The following CDC23 variants were observed in gnomAD, a reference collection of about 807,000 sequenced individuals.
CDC23 encodes cell division cycle protein 23 homolog.
CDC23 carries 26 observed loss-of-function variants against 81.7 expected under a neutral mutation model. The ratio of observed to expected loss-of-function variants is 0.32; its 90% CI spans 0.23 to 0.44. CDC23 has a LOEUF of 0.44. Among genes scored for constraint, CDC23 ranks in the 20% least tolerant of loss-of-function variants. The pLI is 1.00. For missense variants in CDC23, 519 were observed against 728.0 expected (o/e 0.71, Z 3.30); for synonymous variants, 267 against 270.8 (o/e 0.99, Z 0.14).
chr5:138,199,475 A>G (rs1281127835), intron 6 of CDC23, among the ~76,000 whole-genome samples: 1 of 152,200 alleles, frequency 6.6e-6, no homozygotes, highest in African/African-American at 2.4e-5. Context: ...CAGTATAGAG[A>G]TGACTTGGAA....
chr5:138,195,612 TTTATATATAA>T (rs1754883640), intron 9 of CDC23, among the ~76,000 whole-genome samples: 3 of 113,854 alleles, frequency 2.6e-5, no homozygotes, highest in African/African-American at 1.0e-4. Context: ...ATATGATATA[TTTATATATAA>T]ATATAAATAT....
rs1169684976 is a variant in CDC23, at chr5:138,190,176, C to A, written c.1425-270G>T. On this transcript the variant is annotated intron_variant, in intron 13 of 15. Coordinates refer to ENST00000394886, the MANE Select transcript of CDC23 (RefSeq NM_004661.4). ...TCCTTGCAAAAATTATCTAGTAATA[C>A]CCAGAGTAAAGTGGCTCATGCCTGT... 7.2e-6 allele frequency: 3 copies of A among 415,832 alleles called. No individual in the cohort carries two copies. In the East Asian group the frequency reaches 1.4e-4, roughly 19 times the overall value. 25.8% of individuals were successfully genotyped at this position (415,832 alleles called of 1,614,324 possible). A position where few individuals can be genotyped will look rare whatever the true frequency, so the allele number is the denominator to read the frequency against.
rs975133603 is a variant in CDC23 at position 138,189,893 on chromosome 5, A to G, written c.1438T>C (p.Leu480=). The G allele has an allele frequency of 1.2e-6, 2 of 1,613,992 alleles. No individual in the cohort carries two copies. Among genetic ancestry groups the G allele is most frequent in the Non-Finnish European group, 1.7e-6 (2 of 1,179,970 alleles). The change falls in exon 14 of 16, where the codon TTG becomes CTG. Residue 480 remains leucine (L), a synonymous_variant. Transcript: ENST00000394886. ...LVKLAKLHEQ[L]TESEQAAQCY... is the part of the protein sequence containing the mutation. ...TGGGCAGCCTGTTCTGACTCAGTCAACTGTTCATGAAGCCTACAAAAGAAA... is the reference window on the plus strand; with the variant it reads ...TGGGCAGCCTGTTCTGACTCAGTCAGCTGTTCATGAAGCCTACAAAAGAAA...
Position 138,198,628 on chromosome 5 carries a change from G to C in CDC23, c.809C>G (p.Ala270Gly). The change falls in exon 7 of 16, where the codon GCA (alanine) becomes GGA (glycine). Residue 270 changes from alanine (A) to glycine (G), a missense_variant. By Grantham distance (60) the Ala-to-Gly change is moderately conservative (BLOSUM62 0). Coordinates refer to ENST00000394886, the MANE Select transcript of CDC23 (RefSeq NM_004661.4). ...SKSSYIVSQI[A>G]VAYHNIRDID... Reference sequence around the variant, plus strand: ...ACCTCTGATATTGTGATAGGCAACTGCAATTTGGGAAACAATATACGAGCT... The same window carrying C: ...ACCTCTGATATTGTGATAGGCAACTCCAATTTGGGAAACAATATACGAGCT... 6.2e-7 allele frequency: 1 copy of C among 1,614,114 alleles called. No individual in the cohort carries two copies. The highest frequency in any genetic ancestry group is 8.5e-7 in the Non-Finnish European group (1 of 1,180,010).
intron 2 of CDC23, among the ~76,000 whole-genome samples, chr5:138,211,937 A>T (rs1418359669): frequency 6.6e-6 from 1 of 152,210 alleles, no homozygotes; most frequent in Non-Finnish European, 1.5e-5. Context: ...TTTACCTAAG[A>T]GTATACCGTA....
intron 9 of CDC23, among the ~76,000 whole-genome samples, chr5:138,195,410 A>G (rs929011167): frequency 1.6e-4 from 24 of 148,506 alleles, no homozygotes; most frequent in African/African-American, 6.0e-4. Context: ...TTACACAGCT[A>G]GTTAGTATCT....
chr5:138,207,966 T>G (rs1755071347), intron 2 of CDC23, among the ~76,000 whole-genome samples: 1 of 150,570 alleles, frequency 6.6e-6, no homozygotes, highest in Non-Finnish European at 1.5e-5. Flanking sequence ...TCCCCCAAAT[T>G]CTTTTTTTTT....
intron 9 of CDC23, among the ~76,000 whole-genome samples, chr5:138,194,091 A>G (rs1754857419): frequency 1.3e-5 from 2 of 152,250 alleles, no homozygotes; most frequent in South Asian, 4.1e-4. Context: ...TCTGTCTTAT[A>G]TCAACTGGTG....
chr5:138,197,118 T>G (rs1754921520), intron 9 of CDC23, among the ~76,000 whole-genome samples: 1 of 149,710 alleles, frequency 6.7e-6, no homozygotes, highest in South Asian at 2.1e-4. Context: ...AGAATCGTTG[T>G]AGTAGTAGAA....
At chr5:138,191,820 G>T (rs371790062) in intron 12 of CDC23, 42 bp downstream of exon 12, 1 of 1,464,592 alleles carries the variant, frequency 6.8e-7, no homozygotes, top group African/African-American at 1.4e-5. Context: ...CATCTAAACA[G>T]CAGATTTCCA....
chr5:138,189,755 A>G lies in CDC23; in HGVS notation c.1504-3T>C. ...TCCTCCAAGTGTTCTACTATTTCCT[A>G]GAAAGGGAAAGCAAAATTACTGAGG... On this transcript the variant is annotated splice_polypyrimidine_tract_variant and splice_region_variant and intron_variant, in intron 14 of 15. Coordinates refer to ENST00000394886, the MANE Select transcript of CDC23 (RefSeq NM_004661.4). 6.2e-7 allele frequency: 1 copy of G among 1,613,438 alleles called. No individual in the cohort carries two copies. The highest frequency in any genetic ancestry group is 8.5e-7 in the Non-Finnish European group (1 of 1,179,424).
At position 138,198,516 on chromosome 5, in the gene CDC23, G is replaced by C. The variant is rs1266781353; in HGVS notation, c.840C>G (p.Asp280Glu). 6.2e-7 allele frequency: 1 copy of C among 1,613,856 alleles called. No individual in the cohort carries two copies. Among genetic ancestry groups the C allele is most frequent in the Non-Finnish European group, 8.5e-7 (1 of 1,179,878 alleles). Reference protein sequence around the residue: ...AVAYHNIRDIDKALSIFNELR... With the variant: ...AVAYHNIRDIEKALSIFNELR... ...GCTCATTAAAAATGGAGAGGGCTTT[G>C]TCAATATCTGCAGAAAGAAGATAGT... Residue 280 changes from aspartate to glutamate, a missense_variant, in exon 8 of 16, where the codon GAC becomes GAG. Around this residue, in one of 4 missense-constraint regions of CDC23, gnomAD observed 180 missense variants for 239.3 expected, o/e 0.75. Coordinates refer to ENST00000394886, the MANE Select transcript of CDC23 (RefSeq NM_004661.4).
At chr5:138,191,612 G>T in intron 12 of CDC23, 77 bp from the exon 13 acceptor site, 1 of 1,359,192 alleles carries the variant, frequency 7.4e-7, no homozygotes, top group Non-Finnish European at 1.1e-6. Flanking sequence ...TTAAGACCCT[G>T]CAAGCCTCCC....
chr5:138,206,513 T>G, intron 3 of CDC23, 34 bp downstream of exon 3: 1 of 1,613,014 alleles, frequency 6.2e-7, no homozygotes, highest in African/African-American at 1.3e-5. Context: ...GATGTTTCAC[T>G]AAAGGCAGAA....
In CDC23 at chr5:138,188,409, C is replaced by G. The variant is rs1173857013; in HGVS notation, c.*569G>C. 4 of 152,086 alleles carry G rather than the reference C, an allele frequency of 2.6e-5. No homozygotes were observed. Among genetic ancestry groups the G allele is most frequent in the Non-Finnish European group, 5.9e-5 (4 of 68,032 alleles). The allele number at this position is 152,086 out of a possible 1,614,324, so 9.4% of individuals were successfully genotyped here. Reference sequence around the variant, plus strand: ...AATTTGAAAGCTTTAGAAGACCCCCCCAAAACTGTTTTGGAAGATTGTCTC... The same window carrying G: ...AATTTGAAAGCTTTAGAAGACCCCCGCAAAACTGTTTTGGAAGATTGTCTC... On this transcript the variant is annotated 3_prime_UTR_variant, in exon 16 of 16. Transcript: ENST00000394886.
chr5:138,195,772 G>GTATATATATACATATATTTTATA (rs1561634205), intron 9 of CDC23, among the ~76,000 whole-genome samples: 3 of 101,668 alleles, frequency 3.0e-5, no homozygotes, highest in African/African-American at 4.0e-5. Context: ...TATTATATAT[G>GTATATATATACATATATTTTATA]TGTATATATA....
chr5:138,188,797 T>A lies in CDC23; in HGVS notation c.*181A>T, dbSNP rs1802292. 1.4e-3 allele frequency: 735 copies of A among 513,560 alleles called. 6 individuals carry two copies. The highest frequency in any genetic ancestry group is 0.012 in the African/African-American group (637 of 51,162). The allele number at this position is 513,560 out of a possible 1,614,324, so 31.8% of individuals were successfully genotyped here. On this transcript the variant is annotated 3_prime_UTR_variant, in exon 16 of 16. Coordinates refer to ENST00000394886, the MANE Select transcript of CDC23 (RefSeq NM_004661.4). ...CTTCTAACTGGCAAGATAATGTCTG[T>A]TCCTGCCAGGATTCTGTCAGTTGGC... is the stretch of plus-strand genomic sequence containing the variant.
chr5:138,190,063 T>C (rs2094795361), intron 13 of CDC23, 157 bp from the exon 14 acceptor site: 4 of 625,710 alleles, frequency 6.4e-6, no homozygotes, highest in African/African-American at 1.8e-5. Context: ...TTAGATGTGA[T>C]AGTTACTGTT....
Position 138,189,891 on chromosome 5 carries a change from C to T in CDC23, c.1440G>A (p.Leu480=), listed in dbSNP as rs1198616925. ...ACTGGGCAGCCTGTTCTGACTCAGTCAACTGTTCATGAAGCCTACAAAAGA... is the reference window on the plus strand; with the variant it reads ...ACTGGGCAGCCTGTTCTGACTCAGTTAACTGTTCATGAAGCCTACAAAAGA... ...LVKLAKLHEQ[L]TESEQAAQCY... The change falls in exon 14 of 16, where the codon TTG becomes TTA. Residue 480 remains leucine, a synonymous_variant. Coordinates refer to ENST00000394886, the MANE Select transcript of CDC23 (RefSeq NM_004661.4). 6.2e-7 allele frequency: 1 copy of T among 1,613,942 alleles called. No homozygotes were observed. The highest frequency in any genetic ancestry group is 1.3e-5 in the African/African-American group (1 of 75,014).
Sources: gnomAD v4.1 joint callset for allele counts (sites outside exome capture counted in the v4.1 genomes callset) on GRCh38, gnomAD v4.1.1 for gene constraint, gnomAD v4.1.1 regional missense constraint, MANE v1.5 for transcripts, NCBI Gene and HGNC (gene_info 2026-07-23, HGNC 2026-07-21) for gene names.